Variants in TTC8 observed in about 807,000 individuals in gnomAD.
TTC8 encodes tetratricopeptide repeat domain 8.
TTC8 carries 47 observed loss-of-function variants against 72.5 expected under a neutral mutation model. That is an observed-to-expected ratio of 0.65 (90% CI 0.51 to 0.83). The LOEUF (loss-of-function observed/expected upper bound fraction) is 0.83, where lower values mean the gene tolerates loss of function less well. TTC8 is among the 40% of genes least tolerant of loss of function. The pLI is 0.00. For synonymous variants in TTC8, 199 were observed against 221.4 expected, an observed-to-expected ratio of 0.90 and a Z score of 0.90; for missense variants, 611 against 623.2, an observed-to-expected ratio of 0.98 and a Z score of 0.21.
At chr14:88,872,211 T>A (rs972194353) in intron 12 of TTC8, 119 bp from the exon 13 acceptor site, 1 of 1,411,800 alleles carries the variant, frequency 7.1e-7, no homozygotes, top group Non-Finnish European at 9.8e-7. Flanking sequence ...TCACATTGAC[T>A]TCTATAATTG....
intron 1 of TTC8, among the ~76,000 whole-genome samples, chr14:88,828,143 T>A (rs1336800806): frequency 6.6e-6 from 1 of 152,236 alleles, no homozygotes; most frequent in Admixed American, 6.5e-5. Flanking sequence ...CAAATAAATA[T>A]AATTTCATTA....
intron 1 of TTC8, 72 bp downstream of exon 1, chr14:88,824,893 C>T: frequency 7.0e-7 from 1 of 1,428,604 alleles, no homozygotes; most frequent in Non-Finnish European, 9.7e-7. Context: ...ATCCCAGCCC[C>T]GGGTTGGGAG....
At chr14:88,869,096 A>C (rs1200491852) in intron 10 of TTC8, among the ~76,000 whole-genome samples, 2 of 152,194 alleles carry the variant, frequency 1.3e-5, no homozygotes, top group African/African-American at 4.8e-5. Flanking sequence ...TCCTTCTCTA[A>C]TGAGAACAAG....
chr14:88,869,946 T>C (rs1264624237), intron 10 of TTC8, 113 bp from the exon 11 acceptor site: 7 of 1,082,386 alleles, frequency 6.5e-6, no homozygotes, highest in Middle Eastern at 2.3e-4. Flanking sequence ...GTCTGGCACA[T>C]GGTAGCCTCT....
At chr14:88,825,790 AG>A (rs1428478570) in intron 1 of TTC8, among the ~76,000 whole-genome samples, 1 of 152,186 alleles carries the variant, frequency 6.6e-6, no homozygotes, top group East Asian at 1.9e-4. Context: ...GCTCTGCCTT[AG>A]CTCCCAGCAA....
Position 88,871,130 on chromosome 14 carries a change from C to T in TTC8, c.1050-419C>T, listed in dbSNP as rs547643468. ...AGCACAAAGTACAGCGAGCCAAAAA[C>T]GGGATCCAGTCAGCTGAAAACGTAG... On this transcript the variant is annotated intron_variant, in intron 11 of 14. Coordinates refer to ENST00000380656, the MANE Select transcript of TTC8 (RefSeq NM_144596.4). The surrounding 1 kb of genome is among the most constrained non-coding windows in gnomAD (Gnocchi z 4.1). Among the ~76,000 whole-genome samples the T allele has an allele frequency of 5.9e-5, 9 of 152,326 alleles. No homozygotes were observed. The highest frequency in any genetic ancestry group is 1.2e-4 in the Non-Finnish European group (8 of 68,040).
chr14:88,875,746 A>G (rs564056777), intron 14 of TTC8, among the ~76,000 whole-genome samples: 10 of 152,340 alleles, frequency 6.6e-5, no homozygotes, highest in African/African-American at 1.9e-4. Context: ...AGATATTTAT[A>G]AAGATGTTAT....
chr14:88,875,684 A>G (rs1006393205), intron 14 of TTC8, among the ~76,000 whole-genome samples: 1 of 152,198 alleles, frequency 6.6e-6, no homozygotes, highest in Non-Finnish European at 1.5e-5. Flanking sequence ...TTTGAGAATA[A>G]GGAAATGGCT....
chr14:88,862,870 A>G (rs1001685762), intron 10 of TTC8, among the ~76,000 whole-genome samples: 5 of 151,348 alleles, frequency 3.3e-5, no homozygotes, highest in Non-Finnish European at 5.9e-5. Context: ...TCCCATTGAG[A>G]TATCTTCCCT....
intron 1 of TTC8, among the ~76,000 whole-genome samples, chr14:88,825,717 G>GA (rs1208545152): frequency 6.6e-6 from 1 of 152,126 alleles, no homozygotes; most frequent in Admixed American, 6.5e-5. Flanking sequence ...GGAGATGTTA[G>GA]AAAAAATGGA....
At chr14:88,830,441 G>A (rs2094720496) in intron 1 of TTC8, among the ~76,000 whole-genome samples, 1 of 152,122 alleles carries the variant, frequency 6.6e-6, no homozygotes, top group Non-Finnish European at 1.5e-5. Flanking sequence ...TAGATGGTTT[G>A]GTGCTTCTGT....
chr14:88,863,202 G>A (rs961969526), intron 10 of TTC8, among the ~76,000 whole-genome samples: 1 of 151,940 alleles, frequency 6.6e-6, no homozygotes, highest in African/African-American at 2.4e-5. Flanking sequence ...GTGTGTTGAG[G>A]GTCCCCCAAA....
intron 1 of TTC8, among the ~76,000 whole-genome samples, chr14:88,831,643 A>G (rs1300326014): frequency 6.6e-6 from 1 of 151,920 alleles, no homozygotes; most frequent in Admixed American, 6.6e-5. Context: ...GCTCATGAAC[A>G]TGTGGTAAGT....
intron 9 of TTC8, 123 bp from the exon 10 acceptor site, chr14:88,861,099 C>A: frequency 1.3e-6 from 1 of 774,858 alleles, no homozygotes; most frequent in Non-Finnish European, 2.1e-6. Context: ...CCACCACACC[C>A]GGCTAAAAAT....
At chr14:88,855,264 A>G (rs376516858) in intron 8 of TTC8, among the ~76,000 whole-genome samples, 2 of 152,212 alleles carry the variant, frequency 1.3e-5, no homozygotes, top group African/African-American at 4.8e-5. Context: ...CTTTAAGGAC[A>G]TGGTTGTTAC....
intron 7 of TTC8, among the ~76,000 whole-genome samples, chr14:88,850,848 C>T (rs1428639256): frequency 6.6e-6 from 1 of 152,118 alleles, no homozygotes; most frequent in East Asian, 1.9e-4. Context: ...GAAAGTGTGC[C>T]CAAGGCAACT....
rs139736402 is a variant in TTC8 at position 88,851,388 on chromosome 14, A to G, written c.625-1583A>G. 2.2e-4 allele frequency among the ~76,000 whole-genome samples: 33 copies of G among 152,340 alleles called. 1 individual carries two copies. Among genetic ancestry groups the G allele is most frequent in the Admixed American group, 1.9e-3 (29 of 15,300 alleles). On this transcript the variant is annotated intron_variant, in intron 7 of 14. Transcript: ENST00000380656. ...AGGATGAGTTGTTTTAGGACCAACT[A>G]TGCAAGCAAAACCAGCAACCTGTAA... is the stretch of plus-strand genomic sequence containing the variant.
In TTC8 at chr14:88,872,368, G is replaced by C. The variant is rs914531409; in HGVS notation, c.1263G>C (p.Arg421Ser). 1.2e-6 allele frequency: 2 copies of C among 1,613,898 alleles called. No homozygotes were observed. The highest frequency in any genetic ancestry group is 1.7e-6 in the Non-Finnish European group (2 of 1,179,884). Residue 421 changes from arginine (R) to serine (S), a missense_variant, in exon 13 of 15, where the codon AGG (arginine) becomes AGC (serine). Transcript: ENST00000380656. ...GDTNLAHQCF[R>S]LALVNNNNHA... ...CAAATTTGGCCCATCAGTGCTTCAGGCTGGCTCTGGTCAACAACAACAACC... is the reference window on the plus strand; with the variant it reads ...CAAATTTGGCCCATCAGTGCTTCAGCCTGGCTCTGGTCAACAACAACAACC...
intron 7 of TTC8, among the ~76,000 whole-genome samples, chr14:88,848,465 C>A (rs956008602): frequency 6.6e-6 from 1 of 152,106 alleles, no homozygotes; most frequent in Non-Finnish European, 1.5e-5. Flanking sequence ...TGTAATTTCA[C>A]TTCTCAGGAG....
Sources: gnomAD v4.1 joint callset for allele counts (sites outside exome capture counted in the v4.1 genomes callset) on GRCh38, gnomAD v4.1.1 for gene constraint, Gnocchi (gnomAD v3.1) non-coding constraint, MANE v1.5 for transcripts, NCBI Gene and HGNC (gene_info 2026-07-23, HGNC 2026-07-21) for gene names.